The following THSD4 variants were observed in gnomAD, a reference collection of about 807,000 sequenced individuals.
THSD4 encodes thrombospondin type-1 domain-containing protein 4.
THSD4 carries 69 observed loss-of-function variants against 119.0 expected under a neutral mutation model. The observed-to-expected ratio is 0.58, with a 90% CI of 0.48 to 0.71. The LOEUF (loss-of-function observed/expected upper bound fraction) is 0.71. Among genes scored for constraint, THSD4 ranks in the 30% least tolerant of loss-of-function variants. THSD4 has a pLI of 0.00. For missense variants in THSD4, 1,393 were observed against 1,391.1 expected (o/e 1.00, Z -0.02); for synonymous variants, 524 against 540.4 (o/e 0.97, Z 0.42).
intron 7 of THSD4, among the ~76,000 whole-genome samples, chr15:71,595,194 G>A (rs2049885421): frequency 6.6e-6 from 1 of 152,172 alleles, no homozygotes; most frequent in South Asian, 2.1e-4. Context: ...ACTATGAGTG[G>A]ACAGGCCTGG....
At chr15:71,157,108 G>A (rs1307170350) in intron 3 of THSD4, among the ~76,000 whole-genome samples, 2 of 152,162 alleles carry the variant, frequency 1.3e-5, no homozygotes, top group Admixed American at 1.3e-4. Flanking sequence ...TCCTCTTGTT[G>A]TTGTTGCTCA....
chr15:71,107,502 C>T (rs1374062168), intron 1 of THSD4, among the ~76,000 whole-genome samples: 1 of 151,190 alleles, frequency 6.6e-6, no homozygotes, highest in South Asian at 2.1e-4. Flanking sequence ...TTTGGCCCAC[C>T]CTTTGACCTA....
chr15:71,381,867 C>T (rs903247438), intron 6 of THSD4, among the ~76,000 whole-genome samples: 3 of 152,070 alleles, frequency 2.0e-5, no homozygotes, highest in Non-Finnish European at 4.4e-5. Flanking sequence ...CAATGCTTCC[C>T]ATATAGTTAA....
chr15:71,104,092 C>T (rs1372581538), intron 1 of THSD4, among the ~76,000 whole-genome samples: 1 of 152,190 alleles, frequency 6.6e-6, no homozygotes, highest in Non-Finnish European at 1.5e-5. Context: ...TGTGTCCTTA[C>T]TTATTCCATC....
chr15:71,106,209 G>A (rs2040273695), intron 1 of THSD4, among the ~76,000 whole-genome samples: 2 of 152,132 alleles, frequency 1.3e-5, no homozygotes, highest in East Asian at 1.9e-4. Context: ...CAGGGATCTC[G>A]TGCACAGTGT....
chr15:71,150,542 T>G (rs1477495221), intron 2 of THSD4, among the ~76,000 whole-genome samples: 3 of 152,186 alleles, frequency 2.0e-5, no homozygotes, highest in Non-Finnish European at 4.4e-5. Flanking sequence ...TATCTCAGAG[T>G]TTACTCCAGA....
intron 7 of THSD4, among the ~76,000 whole-genome samples, chr15:71,569,014 A>C (rs755005695): frequency 5.3e-5 from 8 of 152,240 alleles, no homozygotes; most frequent in Non-Finnish European, 8.8e-5. Flanking sequence ...GGAGAAAATG[A>C]AAAAGTGTTG....
intron 16 of THSD4, among the ~76,000 whole-genome samples, chr15:71,767,872 A>G (rs1239310282): frequency 2.6e-5 from 4 of 152,226 alleles, no homozygotes; most frequent in Non-Finnish European, 4.4e-5. Context: ...TGTCCAAAGC[A>G]TCCCAGAGCC....
At chr15:71,745,801 C>G (rs924917511) in intron 12 of THSD4, among the ~76,000 whole-genome samples, 3 of 152,176 alleles carry the variant, frequency 2.0e-5, no homozygotes, top group African/African-American at 7.2e-5. Flanking sequence ...CACATTACCA[C>G]GCCTGGCTAA....
chr15:71,377,913 C>CCCACACACCT (rs1566961556), intron 6 of THSD4, among the ~76,000 whole-genome samples: 1 of 34,162 alleles, frequency 2.9e-5, no homozygotes, highest in African/African-American at 1.3e-4. Flanking sequence ...CACACACACA[C>CCCACACACCT]AATTTCCTTC....
intron 7 of THSD4, among the ~76,000 whole-genome samples, chr15:71,506,856 C>A (rs1215802272): frequency 6.6e-6 from 1 of 152,190 alleles, no homozygotes; most frequent in Non-Finnish European, 1.5e-5. Context: ...TGTGTTACAA[C>A]GTTGCTTAGT....
At chr15:71,688,590 A>G (rs773348492) in intron 8 of THSD4, among the ~76,000 whole-genome samples, 29 of 152,336 alleles carry the variant, frequency 1.9e-4, no homozygotes, top group Non-Finnish European at 4.0e-4. Context: ...GGGAAATTAA[A>G]TCCTCTGTAA....
chr15:71,548,528 G>A (rs1281339985), intron 7 of THSD4, among the ~76,000 whole-genome samples: 2 of 152,180 alleles, frequency 1.3e-5, no homozygotes, highest in East Asian at 1.9e-4. Context: ...TTGTTGCTCT[G>A]TTCAAAACAG....
intron 1 of THSD4, among the ~76,000 whole-genome samples, chr15:71,134,930 C>T (rs544382655): frequency 1.2e-3 from 177 of 148,860 alleles, no homozygotes; most frequent in Middle Eastern, 3.4e-3. Context: ...ATGTTTATTG[C>T]GGCATTATTC....
At chr15:71,286,139 T>C (rs1442108536) in intron 6 of THSD4, among the ~76,000 whole-genome samples, 1 of 152,208 alleles carries the variant, frequency 6.6e-6, no homozygotes, top group Non-Finnish European at 1.5e-5. Context: ...ATTACTGTTA[T>C]CTGTTATCAA....
chr15:71,190,841 C>T (rs934567770), intron 3 of THSD4, among the ~76,000 whole-genome samples: 5 of 152,128 alleles, frequency 3.3e-5, no homozygotes, highest in African/African-American at 4.8e-5. Context: ...AAGGTCCCAT[C>T]GAGAGGAAAC....
intron 6 of THSD4, among the ~76,000 whole-genome samples, chr15:71,316,946 T>C (rs1300679998): frequency 6.6e-6 from 1 of 152,216 alleles, no homozygotes; most frequent in Non-Finnish European, 1.5e-5. Flanking sequence ...AAATGAGCCA[T>C]GGGAACTGCC....
chr15:71,438,816 T>C (rs1866918), intron 7 of THSD4, among the ~76,000 whole-genome samples: 48,576 of 152,170 alleles, frequency 0.32, 8,136 homozygotes, highest in African/African-American at 0.37. Flanking sequence ...CTAATGCATT[T>C]ATGGACTTCA....
intron 7 of THSD4, among the ~76,000 whole-genome samples, chr15:71,554,344 C>T (rs150957574): frequency 6.6e-6 from 1 of 151,754 alleles, no homozygotes; most frequent in African/African-American, 2.4e-5. Context: ...ATCTGCCCGC[C>T]TCGGCCTCCC....
Sources: gnomAD v4.1 joint callset for allele counts (sites outside exome capture counted in the v4.1 genomes callset) on GRCh38, gnomAD v4.1.1 for gene constraint, MANE v1.5 for transcripts, NCBI Gene and HGNC (gene_info 2026-07-23, HGNC 2026-07-21) for gene names.